The following RFX3 variants were observed in gnomAD, a reference collection of about 807,000 sequenced individuals.
RFX3 encodes the protein regulatory factor X3, also known as transcription factor RFX3.
A neutral mutation model predicts 98.6 loss-of-function variants in RFX3; 14 were observed. The ratio of observed to expected loss-of-function variants is 0.14; its 90% confidence interval spans 0.09 to 0.22. The LOEUF is 0.22. RFX3 is among the 10% of genes least tolerant of loss of function. The pLI, the probability that RFX3 is intolerant of heterozygous loss-of-function variation, is 1.00. For synonymous variants in RFX3, 383 were observed against 328.4 expected (o/e 1.17, Z -1.80); for missense variants, 639 against 926.9 (o/e 0.69, Z 4.03).
At chr9:3,268,933 T>C (rs947568232) in intron 11 of RFX3, among the ~76,000 whole-genome samples, 13 of 151,970 alleles carry the variant, frequency 8.6e-5, no homozygotes, top group Non-Finnish European at 1.5e-4. Context: ...TAAGATGTCA[T>C]AGGCTAATGA....
intron 1 of RFX3, among the ~76,000 whole-genome samples, chr9:3,458,502 A>G (rs529751803): frequency 6.6e-6 from 1 of 152,230 alleles, no homozygotes; most frequent in Non-Finnish European, 1.5e-5. Flanking sequence ...GAATTTACCT[A>G]TGGAGTAGAA....
chr9:3,520,206 T>C (rs1368298735), intron 1 of RFX3, among the ~76,000 whole-genome samples: 3 of 152,232 alleles, frequency 2.0e-5, no homozygotes, highest in African/African-American at 7.2e-5. Flanking sequence ...AGACCAGTAT[T>C]TAAACATAGT....
At chr9:3,320,785 A>G (rs1032022572) in intron 4 of RFX3, among the ~76,000 whole-genome samples, 1 of 123,098 alleles carries the variant, frequency 8.1e-6, no homozygotes, top group African/African-American at 4.1e-5. Flanking sequence ...ATATATATAT[A>G]TATATATATA....
rs1471914605 is a variant in RFX3 at position 3,383,163 on chromosome 9, C to CT, written c.117+12308dup. On this transcript the variant is annotated intron_variant, in intron 2 of 16. Transcript: ENST00000617270. The stretch of plus-strand genomic sequence containing the variant: ...TACATGGATTTTATCATTTTTCCCT[C>CT]TTTTTTTAAGGTTCTATATTTATTG... Among the ~76,000 whole-genome samples the CT allele has an allele frequency of 2.6e-5, 4 of 152,132 alleles. No homozygotes were observed. In the East Asian group the frequency reaches 5.8e-4, roughly 22 times the overall value.
At chr9:3,468,013 C>T (rs184526024) in intron 1 of RFX3, among the ~76,000 whole-genome samples, 2 of 152,246 alleles carry the variant, frequency 1.3e-5, no homozygotes, top group East Asian at 1.9e-4. Context: ...GAAAGATGAT[C>T]GCATTTAACC....
chr9:3,429,097 A>C (rs370342569), intron 1 of RFX3, among the ~76,000 whole-genome samples: 45 of 146,686 alleles, frequency 3.1e-4, no homozygotes, highest in South Asian at 8.5e-4. Context: ...ATCTCGGCTC[A>C]CTGCAAGCTC....
chr9:3,473,074 G>A (rs371430515), intron 1 of RFX3, among the ~76,000 whole-genome samples: 5 of 152,120 alleles, frequency 3.3e-5, no homozygotes, highest in Non-Finnish European at 5.9e-5. Flanking sequence ...CAACAGTTTC[G>A]ATTCAGCATG....
chr9:3,376,454 A>T (rs1447683648), intron 2 of RFX3, among the ~76,000 whole-genome samples: 4 of 152,358 alleles, frequency 2.6e-5, no homozygotes, highest in South Asian at 4.1e-4. Flanking sequence ...AAATATTGGT[A>T]TAATGAAACA....
intron 2 of RFX3, among the ~76,000 whole-genome samples, chr9:3,382,207 T>A (rs1231197073): frequency 6.6e-6 from 1 of 152,200 alleles, no homozygotes; most frequent in Non-Finnish European, 1.5e-5. Flanking sequence ...TGAGGCTTAC[T>A]TTTAAAAGTC....
At chr9:3,346,851 G>C (rs1834490302) in intron 2 of RFX3, 87 bp from the exon 3 acceptor site, 1 of 783,164 alleles carries the variant, frequency 1.3e-6, no homozygotes, top group Non-Finnish European at 2.2e-6. Context: ...GGTTTATCCG[G>C]TATTATTGAT....
intron 1 of RFX3, among the ~76,000 whole-genome samples, chr9:3,412,150 G>C (rs1842513849): frequency 1.3e-5 from 2 of 152,248 alleles, no homozygotes; most frequent in Admixed American, 1.3e-4. Flanking sequence ...TTCCTGGCTT[G>C]TACTTTCCAA....
chr9:3,333,117 C>T (rs866533397), intron 3 of RFX3, among the ~76,000 whole-genome samples: 1 of 152,150 alleles, frequency 6.6e-6, no homozygotes. Context: ...GCACACTAAT[C>T]AGTCAGCAAA....
intron 2 of RFX3, among the ~76,000 whole-genome samples, chr9:3,377,242 C>T (rs972054575): frequency 6.6e-6 from 1 of 152,196 alleles, no homozygotes; most frequent in African/African-American, 2.4e-5. Context: ...GGCACATATA[C>T]ACCATGGAAT....
At chr9:3,426,049 T>C (rs1010815021) in intron 1 of RFX3, among the ~76,000 whole-genome samples, 2 of 152,212 alleles carry the variant, frequency 1.3e-5, no homozygotes, top group African/African-American at 4.8e-5. Context: ...GGAATAATGA[T>C]CTTTTTTAAA....
At chr9:3,231,165 A>T (rs1301208598) in intron 15 of RFX3, among the ~76,000 whole-genome samples, 1 of 152,214 alleles carries the variant, frequency 6.6e-6, no homozygotes, top group Non-Finnish European at 1.5e-5. Context: ...CACTGTCAAT[A>T]CCTCTAGGTG....
intron 2 of RFX3, among the ~76,000 whole-genome samples, chr9:3,354,314 T>G (rs1835490668): frequency 1.3e-5 from 2 of 151,742 alleles, no homozygotes; most frequent in African/African-American, 4.8e-5. Context: ...AAGCCAAAGT[T>G]GCAGGATCCA....
chr9:3,475,254 G>C (rs541998675), intron 1 of RFX3, among the ~76,000 whole-genome samples: 3 of 151,984 alleles, frequency 2.0e-5, no homozygotes, highest in African/African-American at 7.3e-5. Context: ...TTTTCTCCCC[G>C]TGTGCAGAGA....
intron 4 of RFX3, among the ~76,000 whole-genome samples, chr9:3,316,808 T>C (rs145556281): frequency 1.4e-4 from 22 of 152,100 alleles, no homozygotes; most frequent in East Asian, 3.9e-4. Flanking sequence ...ATCCAACTTA[T>C]AAGGGATGTG....
At chr9:3,452,607 T>C (rs1010590387) in intron 1 of RFX3, among the ~76,000 whole-genome samples, 4 of 152,102 alleles carry the variant, frequency 2.6e-5, no homozygotes, top group African/African-American at 7.2e-5. Flanking sequence ...GTTAACACCA[T>C]ATTTGGAAGA....
Sources: gnomAD v4.1 joint callset for allele counts (sites outside exome capture counted in the v4.1 genomes callset) on GRCh38, gnomAD v4.1.1 for gene constraint, MANE v1.5 for transcripts, NCBI Gene and HGNC (gene_info 2026-07-23, HGNC 2026-07-21) for gene names.